The following FHIP1A variants were observed in gnomAD, a reference collection of about 807,000 sequenced individuals.
FHIP1A encodes the protein FHF complex subunit HOOK-interacting protein 1A.
In FHIP1A, 61 loss-of-function variants were observed where a neutral mutation model predicts 88.6. That is an observed-to-expected ratio of 0.69 (90% CI 0.56 to 0.85). The LOEUF is 0.85. Ranked by LOEUF, FHIP1A falls within the 40% of genes least tolerant of loss-of-function variation. The pLI, the probability that FHIP1A is intolerant of heterozygous loss-of-function variation, is 0.00. For synonymous variants in FHIP1A, 478 were observed against 496.0 expected (o/e 0.96, Z 0.48); for missense variants, 1,154 against 1,273.5 (o/e 0.91, Z 1.43).
chr4:151,604,277 G>A (rs1301679337), intron 7 of FHIP1A, among the ~76,000 whole-genome samples: 2 of 151,880 alleles, frequency 1.3e-5, no homozygotes, highest in African/African-American at 2.4e-5. Flanking sequence ...TTCTGAGCAC[G>A]TGCTCCTTTC....
chr4:151,501,000 G>T (rs773585131), intron 3 of FHIP1A, among the ~76,000 whole-genome samples: 32 of 152,118 alleles, frequency 2.1e-4, no homozygotes, highest in Non-Finnish European at 4.0e-4. Flanking sequence ...TTCACTGTAC[G>T]AATATTGATT....
Position 151,645,067 on chromosome 4 carries a change from G to GC in FHIP1A, c.1227-1486dup, listed in dbSNP as rs1736739795. Reference sequence around the variant, plus strand: ...CTAAGCCAAGAATCAGAACAGTCTTGCCCCCTGTTCCATACTTTCCTTTTT... The same window carrying GC: ...CTAAGCCAAGAATCAGAACAGTCTTGCCCCCCTGTTCCATACTTTCCTTTTT... On this transcript the variant is annotated intron_variant, in intron 9 of 13. Coordinates refer to ENST00000435205, the MANE Select transcript of FHIP1A (RefSeq NM_001109977.3). 2.0e-5 allele frequency among the ~76,000 whole-genome samples: 3 copies of GC among 152,148 alleles called. No individual in the cohort carries two copies. The South Asian group carries it at 6.2e-4, about 32-fold the overall frequency.
At chr4:151,482,306 A>G (rs995033076) in intron 2 of FHIP1A, among the ~76,000 whole-genome samples, 2 of 152,004 alleles carry the variant, frequency 1.3e-5, no homozygotes, top group Admixed American at 1.3e-4. Flanking sequence ...ATTTTCTGTT[A>G]CCCAGCAGGA....
chr4:151,486,440 C>T (rs1241563013), intron 3 of FHIP1A, among the ~76,000 whole-genome samples: 2 of 152,058 alleles, frequency 1.3e-5, no homozygotes, highest in African/African-American at 2.4e-5. Context: ...TGATTCAATA[C>T]GTCTTGGATA....
At chr4:151,548,346 C>A (rs1171203054) in intron 3 of FHIP1A, among the ~76,000 whole-genome samples, 4 of 152,154 alleles carry the variant, frequency 2.6e-5, no homozygotes, top group Non-Finnish European at 5.9e-5. Flanking sequence ...ACCAGAGTGA[C>A]TCCATTTTGA....
chr4:151,493,929 A>G (rs1270180239), intron 3 of FHIP1A, among the ~76,000 whole-genome samples: 1 of 152,214 alleles, frequency 6.6e-6, no homozygotes, highest in Non-Finnish European at 1.5e-5. Context: ...AAGGAAGCCC[A>G]CTTTCACCAC....
chr4:151,567,529 G>A (rs1308383122), intron 4 of FHIP1A, among the ~76,000 whole-genome samples: 2 of 152,068 alleles, frequency 1.3e-5, no homozygotes, highest in African/African-American at 4.8e-5. Context: ...ATATGCTTTA[G>A]TTAAGGGAAG....
intron 3 of FHIP1A, among the ~76,000 whole-genome samples, chr4:151,556,859 A>G (rs1732965487): frequency 6.6e-6 from 1 of 152,136 alleles, no homozygotes; most frequent in African/African-American, 2.4e-5. Context: ...GCATTTGAAG[A>G]CATATATTAT....
At chr4:151,612,416 CG>C (rs1735357517) in intron 7 of FHIP1A, among the ~76,000 whole-genome samples, 1 of 152,166 alleles carries the variant, frequency 6.6e-6, no homozygotes, top group Non-Finnish European at 1.5e-5. Flanking sequence ...AGTCTCGCTC[CG>C]TTGCTCAGGC....
chr4:151,494,432 C>T (rs1339008726), intron 3 of FHIP1A, among the ~76,000 whole-genome samples: 1 of 152,138 alleles, frequency 6.6e-6, no homozygotes, highest in Non-Finnish European at 1.5e-5. Context: ...ATAGGGAGTC[C>T]TTTCCCCATT....
At chr4:151,568,883 C>T (rs991690359) in intron 4 of FHIP1A, among the ~76,000 whole-genome samples, 1 of 151,912 alleles carries the variant, frequency 6.6e-6, no homozygotes, top group African/African-American at 2.4e-5. Flanking sequence ...TTGGATGGTA[C>T]ATATAAAAGA....
intron 1 of FHIP1A, among the ~76,000 whole-genome samples, chr4:151,415,954 T>C (rs1732875994): frequency 6.6e-6 from 1 of 152,144 alleles, no homozygotes; most frequent in Non-Finnish European, 1.5e-5. Context: ...GTTTTTTTTT[T>C]TTTAACATTT....
intron 2 of FHIP1A, among the ~76,000 whole-genome samples, chr4:151,469,148 TA>T: frequency 6.6e-6 from 1 of 152,232 alleles, no homozygotes; most frequent in Non-Finnish European, 1.5e-5. Context: ...TTTTGGATAA[TA>T]GTTTTAAGAA....
At chr4:151,489,656 C>T (rs1236499103) in intron 3 of FHIP1A, among the ~76,000 whole-genome samples, 3 of 152,142 alleles carry the variant, frequency 2.0e-5, no homozygotes, top group Non-Finnish European at 2.9e-5. Context: ...GGGAGTGAGA[C>T]TGGCCTTGCT....
At chr4:151,652,654 C>G (rs1030969516) in intron 11 of FHIP1A, among the ~76,000 whole-genome samples, 6 of 152,148 alleles carry the variant, frequency 3.9e-5, no homozygotes, top group Non-Finnish European at 5.9e-5. Flanking sequence ...ATGCCAAGAC[C>G]AGTGGGAACC....
At chr4:151,436,137 A>G (rs1728187232) in intron 1 of FHIP1A, among the ~76,000 whole-genome samples, 1 of 152,160 alleles carries the variant, frequency 6.6e-6, no homozygotes, top group Non-Finnish European at 1.5e-5. Flanking sequence ...AGCTGCAGGT[A>G]TGGACCTGAC....
chr4:151,459,837 C>A (rs1266543069), intron 2 of FHIP1A, among the ~76,000 whole-genome samples: 5 of 152,144 alleles, frequency 3.3e-5, no homozygotes, highest in Non-Finnish European at 7.4e-5. Flanking sequence ...CTACCAAAAA[C>A]AACAACTATT....
chr4:151,624,621 A>T (rs1735882106), intron 7 of FHIP1A, among the ~76,000 whole-genome samples: 2 of 152,200 alleles, frequency 1.3e-5, no homozygotes, highest in Admixed American at 6.5e-5. Context: ...TTATTTTAAT[A>T]CACTTTCCTC....
chr4:151,649,809 G>A lies in FHIP1A; in HGVS notation c.1768G>A (p.Gly590Arg). The A allele has an allele frequency of 1.3e-6, 2 of 1,551,694 alleles. No homozygotes were observed. The highest frequency in any genetic ancestry group is 1.7e-6 in the Non-Finnish European group (2 of 1,146,978). The change falls in exon 11 of 14, where the codon GGG becomes AGG. Residue 590 changes from glycine to arginine, a missense_variant. Coordinates refer to ENST00000435205, the MANE Select transcript of FHIP1A (RefSeq NM_001109977.3). ...DDSYDTGISS[G>R]ADVGSPGPYD... ...CAGCTATGACACTGGAATCTCCTCAGGGGCTGACGTGGGCTCCCCAGGGCC... is the reference window on the plus strand; with the variant it reads ...CAGCTATGACACTGGAATCTCCTCAAGGGCTGACGTGGGCTCCCCAGGGCC...
Sources: allele counts gnomAD v4.1 joint callset (sites outside exome capture counted in the v4.1 genomes callset), GRCh38; gene constraint gnomAD v4.1.1; transcripts MANE v1.5; gene names NCBI Gene and HGNC (gene_info 2026-07-23, HGNC 2026-07-21).